The following CFAP54 variants were observed in gnomAD, a reference collection of about 807,000 sequenced individuals.
The protein encoded by CFAP54 is cilia and flagella associated protein 54.
In CFAP54, 290 loss-of-function variants were observed where a neutral mutation model predicts 370.4. That is an observed-to-expected ratio of 0.78 (90% CI 0.71 to 0.86). CFAP54 has a LOEUF of 0.86. Ranked by LOEUF, CFAP54 falls within the 40% of genes least tolerant of loss-of-function variation. CFAP54 has a pLI of 0.00. For missense variants in CFAP54, 3,399 were observed against 3,528.7 expected, an observed-to-expected ratio of 0.96 and a Z score of 0.93; for synonymous variants, 1,206 against 1,236.5, an observed-to-expected ratio of 0.98 and a Z score of 0.52.
chr12:96,732,378 C>T (rs370667877), intron 50 of CFAP54, among the ~76,000 whole-genome samples: 8 of 152,064 alleles, frequency 5.3e-5, no homozygotes, highest in East Asian at 3.9e-4. Context: ...GAGATCCACC[C>T]GCCTTGGCCT....
chr12:96,581,137 G>A, intron 22 of CFAP54, 32 bp downstream of exon 22: 1 of 1,356,842 alleles, frequency 7.4e-7, no homozygotes, highest in Non-Finnish European at 9.6e-7. Flanking sequence ...TTTTTCCACT[G>A]TGTTTTTTTT....
intron 46 of CFAP54, among the ~76,000 whole-genome samples, chr12:96,703,507 C>T (rs1168814429): frequency 1.3e-5 from 2 of 151,958 alleles, no homozygotes; most frequent in Non-Finnish European, 2.9e-5. Flanking sequence ...AAAGGGACAT[C>T]GCTGTTGGAT....
intron 55 of CFAP54, among the ~76,000 whole-genome samples, chr12:96,753,063 T>A (rs188312547): frequency 1.3e-5 from 2 of 152,376 alleles, no homozygotes; most frequent in Non-Finnish European, 2.9e-5. Context: ...ATCTTAGCTC[T>A]TATTATTTTC....
At position 96,733,542 on chromosome 12, in the gene CFAP54, G is replaced by GTTTTT. The variant is rs35984233; in HGVS notation, c.6966-6401_6966-6397dup. On this transcript the variant is annotated intron_variant, in intron 50 of 67. Transcript: ENST00000524981. ...GCCTCTTTCTTTCAAAATCCTGTGG[G>GTTTTT]TTTTTTTTTTTTTTTTTAATAAGTG... Among the ~76,000 whole-genome samples, 356 of 139,030 alleles carry GTTTTT rather than the reference G, an allele frequency of 2.6e-3. 6 individuals are homozygous for GTTTTT. Among genetic ancestry groups the GTTTTT allele is most frequent in the Admixed American group, 0.023 (317 of 13,724 alleles). The allele number at this position is 139,030 out of a possible 152,430, so 91.2% of individuals were successfully genotyped here. A position where few individuals can be genotyped will look rare whatever the true frequency, so the allele number is the denominator to read the frequency against.
intron 60 of CFAP54, among the ~76,000 whole-genome samples, chr12:96,768,986 A>C (rs34475): frequency 0.14 from 21,050 of 152,218 alleles, 1,873 homozygotes; most frequent in Middle Eastern, 0.26. Context: ...ACCAGAGAGC[A>C]ATTGTATGAC....
chr12:96,524,954 C>T (rs116029186), intron 8 of CFAP54, among the ~76,000 whole-genome samples: 2,704 of 152,134 alleles, frequency 0.018, 71 homozygotes, highest in African/African-American at 0.062. Flanking sequence ...CATCTTCAGA[C>T]ATGCTTATTT....
intron 13 of CFAP54, among the ~76,000 whole-genome samples, chr12:96,539,144 T>C (rs1016317533): frequency 1.2e-4 from 18 of 144,386 alleles, no homozygotes; most frequent in African/African-American, 4.7e-4. Flanking sequence ...AACTGCAACC[T>C]CTGCCTGCCG....
In CFAP54 at chr12:96,625,805, A is replaced by C; in HGVS notation, c.3974A>C (p.Glu1325Ala). 6.5e-7 allele frequency: 1 copy of C among 1,532,392 alleles called. No individual in the cohort carries two copies. The highest frequency in any genetic ancestry group is 8.7e-7 in the Non-Finnish European group (1 of 1,143,574). The allele number at this position is 1,532,392 out of a possible 1,614,324, so 94.9% of individuals were successfully genotyped here. The change falls in exon 29 of 68, where the codon GAA becomes GCA. Residue 1325 changes from glutamate to alanine, a missense_variant and splice_region_variant. This residue lies in a region of CFAP54 where 2,796 missense variants were observed against 2,869.7 expected (regional missense o/e 0.97). Coordinates refer to ENST00000524981, the MANE Select transcript of CFAP54 (RefSeq NM_001306084.2). ...LNWSVKGAVK[E>A]VMKFKQKPRF... ...TGGTCGGTCAAAGGTGCCGTGAAAG[A>C]AGGTAGGTGAACTGGATGTGTATAT... is the stretch of plus-strand genomic sequence containing the variant.
At chr12:96,852,980 A>G (rs1294157573) in intron 66 of CFAP54, among the ~76,000 whole-genome samples, 2 of 152,104 alleles carry the variant, frequency 1.3e-5, no homozygotes, top group African/African-American at 4.8e-5. Context: ...GTTTGTGAAG[A>G]TGTGGAATAA....
intron 44 of CFAP54, among the ~76,000 whole-genome samples, chr12:96,691,728 C>G (rs1296253629): frequency 6.6e-6 from 1 of 151,984 alleles, no homozygotes; most frequent in African/African-American, 2.4e-5. Context: ...TTTTCTCTGT[C>G]AAGGGTGCAT....
Position 96,742,450 on chromosome 12 carries a change from T to C in CFAP54, c.7083T>C (p.Asn2361=), listed in dbSNP as rs116356571. ...PVSPGTSVTE[N]KDDSEFLDPI... ...TTAATATTGTTTAGGTCACTGAAAA[T>C]AAAGATGACAGTGAGTTTTTAGATC... Residue 2361 remains asparagine (N), a synonymous_variant, in exon 52 of 68, where the codon AAT becomes AAC. Transcript: ENST00000524981. 2.7e-5 allele frequency: 42 copies of C among 1,576,698 alleles called. No homozygotes were observed. In the East Asian group the frequency reaches 9.2e-4, roughly 35 times the overall value.
At chr12:96,523,307 G>T (rs2136371107) in intron 8 of CFAP54, among the ~76,000 whole-genome samples, 1 of 152,300 alleles carries the variant, frequency 6.6e-6, no homozygotes, top group African/African-American at 2.4e-5. Context: ...AGGTCACAAA[G>T]GCAGCCGCTG....
intron 5 of CFAP54, among the ~76,000 whole-genome samples, chr12:96,514,986 A>C (rs999678485): frequency 6.6e-6 from 1 of 151,970 alleles, no homozygotes; most frequent in Non-Finnish European, 1.5e-5. Context: ...TCGCCTGTAA[A>C]ATGACACTAA....
chr12:96,545,936 G>A (rs530078958), intron 14 of CFAP54, among the ~76,000 whole-genome samples: 1 of 152,284 alleles, frequency 6.6e-6, no homozygotes, highest in East Asian at 1.9e-4. Flanking sequence ...TATGCCTTAT[G>A]CTATGTATCT....
intron 9 of CFAP54, among the ~76,000 whole-genome samples, chr12:96,528,840 A>G (rs1038321742): frequency 2.6e-5 from 4 of 152,150 alleles, no homozygotes; most frequent in Non-Finnish European, 5.9e-5. Flanking sequence ...TTACTGATTT[A>G]AAAAACTTAT....
At chr12:96,729,128 G>C (rs189476598) in intron 50 of CFAP54, among the ~76,000 whole-genome samples, 295 of 152,010 alleles carry the variant, frequency 1.9e-3, no homozygotes, top group African/African-American at 6.9e-3. Context: ...GGGGTCAGGG[G>C]TCGGGGACCC....
At chr12:96,704,375 T>C (rs1443702268) in intron 46 of CFAP54, among the ~76,000 whole-genome samples, 83 of 139,972 alleles carry the variant, frequency 5.9e-4, no homozygotes, top group African/African-American at 2.1e-3. Context: ...TGCAGTGAGC[T>C]GAGATGGCGC....
At chr12:96,690,443 G>T (rs756071480) in intron 43 of CFAP54, among the ~76,000 whole-genome samples, 2 of 152,092 alleles carry the variant, frequency 1.3e-5, no homozygotes, top group Non-Finnish European at 2.9e-5. Flanking sequence ...AATGTGTTTT[G>T]TGTGTTCATC....
intron 50 of CFAP54, among the ~76,000 whole-genome samples, chr12:96,725,042 T>C (rs1237397142): frequency 6.6e-6 from 1 of 152,180 alleles, no homozygotes; most frequent in African/African-American, 2.4e-5. Context: ...TATATCTCTG[T>C]TTTGGTACCA....
Sources: gnomAD v4.1 joint callset for allele counts (sites outside exome capture counted in the v4.1 genomes callset) on GRCh38, gnomAD v4.1.1 for gene constraint, gnomAD v4.1.1 regional missense constraint, MANE v1.5 for transcripts, NCBI Gene and HGNC (gene_info 2026-07-23, HGNC 2026-07-21) for gene names.